The following FAM13C variants were observed in gnomAD, a reference collection of about 807,000 sequenced individuals.
FAM13C encodes family with sequence similarity 13 member C.
Under a neutral mutation model 73.2 loss-of-function variants are expected in FAM13C, and 37 were observed. That is an observed-to-expected ratio of 0.51 (90% CI 0.39 to 0.67). The LOEUF (loss-of-function observed/expected upper bound fraction) is 0.67. Among genes scored for constraint, FAM13C ranks in the 30% least tolerant of loss-of-function variants. FAM13C has a pLI of 0.00. For synonymous variants in FAM13C, 246 were observed against 260.9 expected, an observed-to-expected ratio of 0.94 and a Z score of 0.55; for missense variants, 589 against 715.6, an observed-to-expected ratio of 0.82 and a Z score of 2.02.
chr10:59,261,500 A>G (rs2133453033), intron 10 of FAM13C, among the ~76,000 whole-genome samples: 1 of 152,300 alleles, frequency 6.6e-6, no homozygotes, highest in African/African-American at 2.4e-5. Context: ...TAAATATGCT[A>G]GTTTGTTCAT....
intron 4 of FAM13C, among the ~76,000 whole-genome samples, chr10:59,312,194 A>G (rs1002531676): frequency 3.3e-5 from 5 of 152,220 alleles, no homozygotes; most frequent in Admixed American, 6.5e-5. Context: ...GGCTTCTGTG[A>G]TATTACAACT....
Position 59,268,612 on chromosome 10 carries a change from T to C in FAM13C, c.883A>G (p.Ser295Gly). The C allele has an allele frequency of 6.2e-7, 1 of 1,613,804 alleles. No individual in the cohort carries two copies. Among genetic ancestry groups the C allele is most frequent in the East Asian group, 2.2e-5 (1 of 44,858 alleles). ...TITQLTKHIQ[S>G]LKRKIRKFEE... ...AATTTCCGAATTTTCCGCTTGAGGC[T>C]CTGGATGTGCTTGGTGAGCTGGGTG... The change falls in exon 8 of 14, where the codon AGC becomes GGC. Residue 295 changes from serine to glycine, a missense_variant. Transcript: ENST00000618804.
At chr10:59,292,363 T>G (rs1176229120) in intron 5 of FAM13C, among the ~76,000 whole-genome samples, 2 of 152,344 alleles carry the variant, frequency 1.3e-5, no homozygotes, top group African/African-American at 4.8e-5. Context: ...TGGCTTTGTT[T>G]CCATTTATTT....
chr10:59,321,304 G>A (rs1850219262), intron 4 of FAM13C, among the ~76,000 whole-genome samples: 2 of 152,112 alleles, frequency 1.3e-5, no homozygotes, highest in Admixed American at 1.3e-4. Context: ...TGCAATGTTG[G>A]TGGCTTGAAA....
At chr10:59,276,181 C>A (rs529411014) in intron 6 of FAM13C, among the ~76,000 whole-genome samples, 2 of 152,028 alleles carry the variant, frequency 1.3e-5, no homozygotes, top group African/African-American at 2.4e-5. Flanking sequence ...TTATAAATAC[C>A]TTTTGCTTAG....
intron 11 of FAM13C, among the ~76,000 whole-genome samples, chr10:59,253,364 A>G (rs540912289): frequency 2.0e-5 from 3 of 152,300 alleles, no homozygotes; most frequent in African/African-American, 7.2e-5. Context: ...TTGTGATATG[A>G]GTTAAGATAA....
intron 3 of FAM13C, among the ~76,000 whole-genome samples, chr10:59,346,986 T>G (rs1398921442): frequency 6.6e-6 from 1 of 152,142 alleles, no homozygotes; most frequent in Admixed American, 6.6e-5. Context: ...ATTATCTCAA[T>G]GAACTCTGGC....
At chr10:59,289,306 C>T (rs1431692190) in intron 5 of FAM13C, among the ~76,000 whole-genome samples, 2 of 152,148 alleles carry the variant, frequency 1.3e-5, no homozygotes, top group Non-Finnish European at 2.9e-5. Context: ...GGCTACAGGC[C>T]GGTACTGGTC....
At chr10:59,282,831 T>TG (rs1307005293) in intron 6 of FAM13C, 1 of 139,028 alleles carries the variant, frequency 7.2e-6, no homozygotes, top group African/African-American at 3.0e-5. Flanking sequence ...AGGAAATTAA[T>TG]GAAAAAAAAA....
At chr10:59,308,424 C>T (rs1848500417) in intron 4 of FAM13C, among the ~76,000 whole-genome samples, 1 of 151,842 alleles carries the variant, frequency 6.6e-6, no homozygotes, top group East Asian at 1.9e-4. Context: ...CTGCCATCAC[C>T]TCCACAATCA....
chr10:59,274,740 A>G (rs1844135541), intron 6 of FAM13C, among the ~76,000 whole-genome samples: 1 of 152,172 alleles, frequency 6.6e-6, no homozygotes, highest in Admixed American at 6.6e-5. Flanking sequence ...TTGAGCAATA[A>G]CCAAGGGAAA....
chr10:59,262,349 G>T, intron 10 of FAM13C, 85 bp downstream of exon 10: 2 of 1,247,500 alleles, frequency 1.6e-6, no homozygotes, highest in Non-Finnish European at 2.3e-6. Flanking sequence ...TGATGTAATG[G>T]CAAAGTGCTC....
rs747303836 is a variant in FAM13C, at chr10:59,348,766, G to A, written c.324+3504C>T. On this transcript the variant is annotated intron_variant, in intron 3 of 13. Coordinates refer to ENST00000618804, the MANE Select transcript of FAM13C (RefSeq NM_198215.4). ...GAATTCTGCCTCAGCCTCCCGAGTA[G>A]CTGGGACTATAGGCGTGCACTACCA... 1.3e-3 allele frequency among the ~76,000 whole-genome samples: 193 copies of A among 152,248 alleles called. 1 individual carries two copies. Among genetic ancestry groups the A allele is most frequent in the Non-Finnish European group, 2.3e-3 (156 of 68,010 alleles).
At chr10:59,286,199 G>T (rs1343373640) in intron 5 of FAM13C, among the ~76,000 whole-genome samples, 1 of 152,106 alleles carries the variant, frequency 6.6e-6, no homozygotes, top group East Asian at 1.9e-4. Context: ...ACTCCCACTT[G>T]CATAAGATAT....
At chr10:59,362,997 A>G, upstream of FAM13C, 1 of 165,006 alleles carries the variant, frequency 6.1e-6, no homozygotes. Context: ...GTCAGGAGAG[A>G]ACAAGAAGGG....
At chr10:59,302,944 C>A in intron 4 of FAM13C, 80 bp from the exon 5 acceptor site, 1 of 1,287,440 alleles carries the variant, frequency 7.8e-7, no homozygotes, top group Non-Finnish European at 1.1e-6. Context: ...GGCTACAAAT[C>A]TGGCTGTACC....
At chr10:59,268,063 A>T (rs1397957302) in intron 8 of FAM13C, among the ~76,000 whole-genome samples, 1 of 152,178 alleles carries the variant, frequency 6.6e-6, no homozygotes, top group Non-Finnish European at 1.5e-5. Flanking sequence ...GCCTGAACAG[A>T]TGTCACTTGA....
chr10:59,277,735 T>C lies in FAM13C; in HGVS notation c.592+5628A>G, dbSNP rs114234435. Among the ~76,000 whole-genome samples, 800 of 152,286 alleles carry C rather than the reference T, an allele frequency of 5.3e-3. 10 individuals carry two copies. Among genetic ancestry groups the C allele is most frequent in the African/African-American group, 0.018 (763 of 41,560 alleles). On this transcript the variant is annotated intron_variant, in intron 6 of 13. Coordinates refer to ENST00000618804, the MANE Select transcript of FAM13C (RefSeq NM_198215.4). ...ATACGTTAATTATATAGAGAGTATA[T>C]AGACCAGCTATATATTTCATTCCAA...
rs781254036 is a variant in FAM13C, at chr10:59,252,824, T to C, written c.1507A>G (p.Met503Val). ...ATGGTAGCCTCATGTAAATTAGACATGGAGAGAGCTGGTGGTTTTACTTCT... is the reference window on the plus strand; with the variant it reads ...ATGGTAGCCTCATGTAAATTAGACACGGAGAGAGCTGGTGGTTTTACTTCT... ...KKEVKPPALS[M>V]SNLHEATMPV... Residue 503 changes from methionine (M) to valine (V), a missense_variant, in exon 12 of 14, where the codon ATG becomes GTG. Physicochemically the swap from Met to Val is conservative, Grantham distance 21. Coordinates refer to ENST00000618804, the MANE Select transcript of FAM13C (RefSeq NM_198215.4). 1.2e-6 allele frequency: 2 copies of C among 1,613,862 alleles called. No individual in the cohort carries two copies. The highest frequency in any genetic ancestry group is 1.7e-6 in the Non-Finnish European group (2 of 1,179,976).
Sources: gnomAD v4.1 joint callset for allele counts (sites outside exome capture counted in the v4.1 genomes callset) on GRCh38, gnomAD v4.1.1 for gene constraint, MANE v1.5 for transcripts, NCBI Gene and HGNC (gene_info 2026-07-23, HGNC 2026-07-21) for gene names.